The following CYP2C8 variants were observed in gnomAD, a reference collection of about 807,000 sequenced individuals.
CYP2C8 encodes the protein cytochrome P450 family 2 subfamily C member 8.
Under a neutral mutation model 41.3 loss-of-function variants are expected in CYP2C8, and 51 were observed. That is an observed-to-expected ratio of 1.24 (90% confidence interval 0.99 to 1.56). The LOEUF (loss-of-function observed/expected upper bound fraction) is 1.56. Ranked by LOEUF, CYP2C8 falls within the 40% of genes most tolerant of loss-of-function variation. The probability of loss-of-function intolerance (pLI) is 0.00; values close to 1 mark genes in which losing one functional copy is unlikely to be tolerated. For synonymous variants in CYP2C8, 218 were observed against 205.8 expected (o/e 1.06, Z -0.51); for missense variants, 651 against 579.9 (o/e 1.12, Z -1.26).
rs11572102 is a variant in CYP2C8, at chr10:95,058,424, T to A, written c.730A>T (p.Ile244Phe). ...TGGTGTTCTTTTACTTTCTCCCTAATGTAACTTCGTGTAAGAGCAACATTT... is the reference window on the plus strand; with the variant it reads ...TGGTGTTCTTTTACTTTCTCCCTAAAGTAACTTCGTGTAAGAGCAACATTT... ...LKNVALTRSY[I>F]REKVKEHQAS... The change falls in exon 5 of 9, where the codon ATT (isoleucine) becomes TTT (phenylalanine). Residue 244 changes from isoleucine (I) to phenylalanine (F), a missense_variant. Transcript: ENST00000371270. 1.2e-6 allele frequency: 2 copies of A among 1,613,508 alleles called. No individual in the cohort carries two copies. Among genetic ancestry groups the A allele is most frequent in the South Asian group, 2.2e-5 (2 of 91,074 alleles).
intron 1 of CYP2C8, among the ~76,000 whole-genome samples, chr10:95,068,789 G>A (rs569630639): frequency 2.7e-4 from 41 of 152,280 alleles, no homozygotes; most frequent in Non-Finnish European, 4.1e-4. Context: ...GGCCAGGTAC[G>A]GTGGCTCACA....
intron 2 of CYP2C8, 23 bp from the exon 3 acceptor site, chr10:95,067,380 CTG>C: frequency 6.2e-7 from 1 of 1,614,076 alleles, no homozygotes; most frequent in East Asian, 2.2e-5. Context: ...GGGGCAGAAA[CTG>C]GGAGAATTCA....
At chr10:95,042,087 T>G (rs2033013820) in intron 7 of CYP2C8, among the ~76,000 whole-genome samples, 1 of 152,182 alleles carries the variant, frequency 6.6e-6, no homozygotes, top group Non-Finnish European at 1.5e-5. Flanking sequence ...TAGTGAAATA[T>G]TAATATTCTT....
intron 6 of CYP2C8, 143 bp downstream of exon 6, chr10:95,045,667 G>A: frequency 2.0e-6 from 2 of 980,180 alleles, no homozygotes; most frequent in South Asian, 1.4e-5. Flanking sequence ...TTTAAATTGT[G>A]TCATCAAATT....
At chr10:95,049,422 A>C (rs1316444319) in intron 5 of CYP2C8, among the ~76,000 whole-genome samples, 1 of 152,202 alleles carries the variant, frequency 6.6e-6, no homozygotes, top group African/African-American at 2.4e-5. Flanking sequence ...GGCATGGTTC[A>C]GAGAGTATTT....
In CYP2C8 at chr10:95,037,034, T is replaced by C; in HGVS notation, c.*94A>G. The C allele has an allele frequency of 3.4e-6, 4 of 1,187,778 alleles. No individual in the cohort carries two copies. The highest frequency in any genetic ancestry group is 1.8e-5 in the Admixed American group (1 of 55,940). 73.6% of individuals were successfully genotyped at this position (1,187,778 alleles called of 1,614,324 possible). On this transcript the variant is annotated 3_prime_UTR_variant, in exon 9 of 9. Transcript: ENST00000371270. Reference sequence around the variant, plus strand: ...ATATTGAGTGAATGGGAAGATTTGATGAGAGGTCAGAGAAGACATAATAGT... The same window carrying C: ...ATATTGAGTGAATGGGAAGATTTGACGAGAGGTCAGAGAAGACATAATAGT...
intron 2 of CYP2C8, 60 bp downstream of exon 2, chr10:95,067,467 GCT>G (rs1298701585): frequency 6.2e-7 from 1 of 1,612,736 alleles, no homozygotes; most frequent in South Asian, 1.1e-5. Context: ...GCTTTTTAGG[GCT>G]CTGTTTTCCA....
At chr10:95,054,614 A>G (rs1470772415) in intron 5 of CYP2C8, among the ~76,000 whole-genome samples, 1 of 152,118 alleles carries the variant, frequency 6.6e-6, no homozygotes, top group African/African-American at 2.4e-5. Context: ...GGAAGACGTA[A>G]AACTATTTCT....
At chr10:95,045,496 T>G (rs1215085446) in intron 6 of CYP2C8, among the ~76,000 whole-genome samples, 1 of 152,184 alleles carries the variant, frequency 6.6e-6, no homozygotes. Context: ...CTTTTCATAA[T>G]AAAACCAACA....
intron 8 of CYP2C8, among the ~76,000 whole-genome samples, chr10:95,038,685 G>A (rs1238543105): frequency 6.6e-6 from 1 of 152,054 alleles, no homozygotes; most frequent in Non-Finnish European, 1.5e-5. Flanking sequence ...TCTCAATTGG[G>A]AACAACAGAG....
chr10:95,037,859 A>G (rs1419008172), intron 8 of CYP2C8, among the ~76,000 whole-genome samples: 1 of 152,230 alleles, frequency 6.6e-6, no homozygotes, highest in Non-Finnish European at 1.5e-5. Flanking sequence ...CATTCAGGAC[A>G]TAGGTTCAAT....
rs188934928 is a variant in CYP2C8, at chr10:95,058,442, C to G, written c.712G>C (p.Ala238Pro). Residue 238 changes from alanine to proline, a missense_variant, in exon 5 of 9, where the codon GCT (alanine) becomes CCT (proline). By Grantham distance (27) the Ala-to-Pro change is conservative (BLOSUM62 -1). Transcript: ENST00000371270. ...TCCCTAATGTAACTTCGTGTAAGAG[C>G]AACATTTTTAAGCACTTTGTTGTGA... ...GTHNKVLKNV[A>P]LTRSYIREKV... The G allele has an allele frequency of 5.0e-5, 81 of 1,613,370 alleles. No individual in the cohort carries two copies. In the East Asian group the frequency reaches 1.3e-3, roughly 27 times the overall value.
In CYP2C8 at chr10:95,047,420, CAA is replaced by C. The variant is rs1221593889; in HGVS notation, c.820-1471_820-1470del. 1.2e-4 allele frequency among the ~76,000 whole-genome samples: 19 copies of C among 152,162 alleles called. 2 individuals carry two copies. The highest frequency in any genetic ancestry group is 4.1e-4 in the African/African-American group (17 of 41,522). Reference sequence around the variant, plus strand: ...GCAATTTTCTTCTGTCAAAAATTTACAAAGACTCAGTATCACCTACATATTCA... The same window carrying C: ...GCAATTTTCTTCTGTCAAAAATTTACAGACTCAGTATCACCTACATATTCA... On this transcript the variant is annotated intron_variant, in intron 5 of 8. Transcript: ENST00000371270.
In CYP2C8 at chr10:95,058,335, C is replaced by G. The variant is rs1209166386; in HGVS notation, c.819G>C (p.Gln273His). The change falls in exon 5 of 9, where the codon CAG (glutamine) becomes CAC (histidine). Residue 273 changes from glutamine (Q) to histidine (H), a missense_variant and splice_region_variant. Gln to His is a conservative substitution (Grantham distance 24). Transcript: ENST00000371270. Reference sequence around the variant, plus strand: ...TACTGATCTGTTGCTAATATCTTACCTGCTCCATTTTGATCAGGAAGCAAT... The same window carrying G: ...TACTGATCTGTTGCTAATATCTTACGTGCTCCATTTTGATCAGGAAGCAAT... ...FIDCFLIKMEQEKDNQKSEFN... is the reference protein window; with the variant it reads ...FIDCFLIKMEHEKDNQKSEFN... The G allele has an allele frequency of 1.2e-6, 2 of 1,612,912 alleles. No individual in the cohort carries two copies. Among genetic ancestry groups the G allele is most frequent in the Admixed American group, 3.3e-5 (2 of 59,892 alleles).
intron 6 of CYP2C8, 125 bp downstream of exon 6, chr10:95,045,685 A>G: frequency 1.7e-6 from 2 of 1,170,010 alleles, no homozygotes; most frequent in South Asian, 2.5e-5. Context: ...ATTTAGACAG[A>G]TTACAGCTGA....
At chr10:95,064,158 T>C (rs550361968) in intron 4 of CYP2C8, among the ~76,000 whole-genome samples, 1 of 152,326 alleles carries the variant, frequency 6.6e-6, no homozygotes, top group African/African-American at 2.4e-5. Context: ...TTTAAAGCTG[T>C]CAGACAGGGA....
rs78601019 is a variant in CYP2C8, at chr10:95,043,583, A to G, written c.962-506T>C. On this transcript the variant is annotated intron_variant, in intron 6 of 8. Transcript: ENST00000371270. ...ATGCTAGCAGTTTCTTCTGAAATTTATATTTGTATTTCTAAATAACCACTA... is the reference window on the plus strand; with the variant it reads ...ATGCTAGCAGTTTCTTCTGAAATTTGTATTTGTATTTCTAAATAACCACTA... Among the ~76,000 whole-genome samples, 80 of 152,246 alleles carry G rather than the reference A, an allele frequency of 5.3e-4. No homozygotes were observed. The East Asian group carries it at 0.015, about 28-fold the overall frequency.
At chr10:95,042,637 G>C (rs11572166) in intron 7 of CYP2C8, among the ~76,000 whole-genome samples, 26 of 152,204 alleles carry the variant, frequency 1.7e-4, no homozygotes, top group African/African-American at 6.3e-4. Flanking sequence ...AATCTCAGAA[G>C]AGTGTTTTGG....
At chr10:95,061,695 T>C (rs1481887507) in intron 4 of CYP2C8, among the ~76,000 whole-genome samples, 5 of 152,216 alleles carry the variant, frequency 3.3e-5, no homozygotes, top group African/African-American at 1.2e-4. Context: ...TTGAATGTGT[T>C]TGTTCTTGCT....
Sources: allele counts gnomAD v4.1 joint callset (sites outside exome capture counted in the v4.1 genomes callset), GRCh38; gene constraint gnomAD v4.1.1; transcripts MANE v1.5; gene names NCBI Gene and HGNC (gene_info 2026-07-23, HGNC 2026-07-21).